Variants in ENTREP2 observed in about 807,000 individuals in gnomAD.
The protein encoded by ENTREP2 is protein ENTREP2.
At chr15:29,518,230 A>C in the ENTREP2 span, among the ~76,000 whole-genome samples, 6 of 151,398 alleles carry the variant, frequency 4.0e-5, no homozygotes, top group East Asian at 5.8e-4. Flanking sequence ...CAAAACAAAA[A>C]AACTACTCTC....
At chr15:29,455,997 T>C in the ENTREP2 span, among the ~76,000 whole-genome samples, 2 of 152,240 alleles carry the variant, frequency 1.3e-5, no homozygotes, top group Non-Finnish European at 1.5e-5. Flanking sequence ...TTCTACATTA[T>C]GGTGAGTTGC....
the ENTREP2 span, among the ~76,000 whole-genome samples, chr15:29,486,910 G>A: frequency 4.7e-4 from 71 of 152,250 alleles, no homozygotes; most frequent in African/African-American, 1.7e-3. Flanking sequence ...GGAGGATGAT[G>A]AGAGGTTGGT....
the ENTREP2 span, among the ~76,000 whole-genome samples, chr15:29,314,213 C>T: frequency 6.6e-6 from 1 of 152,198 alleles, no homozygotes; most frequent in African/African-American, 2.4e-5. Flanking sequence ...ATGATATAAA[C>T]TTAGTTCATA....
At chr15:29,397,753 C>T in the ENTREP2 span, among the ~76,000 whole-genome samples, 2 of 152,140 alleles carry the variant, frequency 1.3e-5, no homozygotes, top group Admixed American at 1.3e-4. Context: ...TCTTCAAAAA[C>T]TTCTACGTAT....
At chr15:29,604,405 A>G in the ENTREP2 span, among the ~76,000 whole-genome samples, 159 of 152,306 alleles carry the variant, frequency 1.0e-3, no homozygotes, top group African/African-American at 3.7e-3. Flanking sequence ...AAATGAGCAG[A>G]AAAAAAGAAT....
the ENTREP2 span, among the ~76,000 whole-genome samples, chr15:29,624,027 C>A: frequency 6.6e-6 from 1 of 152,176 alleles, no homozygotes; most frequent in Non-Finnish European, 1.5e-5. Context: ...CGTGAGCCAC[C>A]GCACCAGGCT....
chr15:29,400,933 G>A, the ENTREP2 span, among the ~76,000 whole-genome samples: 1 of 152,222 alleles, frequency 6.6e-6, no homozygotes, highest in Non-Finnish European at 1.5e-5. Context: ...GTGGTGAGTG[G>A]AAGTGGCACA....
At chr15:29,496,722 A>G in the ENTREP2 span, among the ~76,000 whole-genome samples, 1 of 152,202 alleles carries the variant, frequency 6.6e-6, no homozygotes, top group Non-Finnish European at 1.5e-5. Context: ...TACCACACTT[A>G]TTGATTATAT....
chr15:29,619,621 A>AAGTG, the ENTREP2 span, among the ~76,000 whole-genome samples: 1 of 152,052 alleles, frequency 6.6e-6, no homozygotes, highest in Non-Finnish European at 1.5e-5. Context: ...GTGAAAGACA[A>AAGTG]AGTGTCACCT....
At chr15:29,126,393 C>G in the ENTREP2 span, 83 of 1,547,088 alleles carry the variant, frequency 5.4e-5, 1 homozygote, top group South Asian at 9.7e-4. Context: ...AGGGCAGGTT[C>G]GGAGGGTGCT....
At chr15:29,613,690 G>A in the ENTREP2 span, 1 of 169,234 alleles carries the variant, frequency 5.9e-6, no homozygotes, top group Non-Finnish European at 1.3e-5. Context: ...AAAACTATGA[G>A]GACCTGACCC....
the ENTREP2 span, among the ~76,000 whole-genome samples, chr15:29,403,475 T>C: frequency 6.6e-6 from 1 of 152,180 alleles, no homozygotes; most frequent in Non-Finnish European, 1.5e-5. Context: ...ATTAATTCCA[T>C]TAAAATTGCA....
the ENTREP2 span, among the ~76,000 whole-genome samples, chr15:29,547,109 A>T: frequency 1.4e-5 from 2 of 145,252 alleles, no homozygotes; most frequent in Non-Finnish European, 3.0e-5. Flanking sequence ...TTTTTTTGAG[A>T]TGGAGTCTCG....
the ENTREP2 span, among the ~76,000 whole-genome samples, chr15:29,394,632 G>A: frequency 6.6e-6 from 1 of 152,066 alleles, no homozygotes; most frequent in Non-Finnish European, 1.5e-5. Flanking sequence ...GTAGCATTAA[G>A]TCCATTCACC....
chr15:29,611,832 T>C, the ENTREP2 span, among the ~76,000 whole-genome samples: 3 of 152,220 alleles, frequency 2.0e-5, no homozygotes, highest in Admixed American at 2.0e-4. Context: ...GGAAGCTTCT[T>C]TGAGCAACTA....
chr15:29,125,303 G>A, the ENTREP2 span, among the ~76,000 whole-genome samples: 1 of 152,192 alleles, frequency 6.6e-6, no homozygotes, highest in Non-Finnish European at 1.5e-5. Flanking sequence ...AGCAGAGGGG[G>A]GTGTTTCAGA....
the ENTREP2 span, among the ~76,000 whole-genome samples, chr15:29,666,785 A>T: frequency 6.6e-6 from 1 of 152,210 alleles, no homozygotes; most frequent in Non-Finnish European, 1.5e-5. Flanking sequence ...CTGTAACCAT[A>T]GACTGGAGGG....
chr15:29,655,396 C>G, the ENTREP2 span, among the ~76,000 whole-genome samples: 2 of 152,234 alleles, frequency 1.3e-5, no homozygotes, highest in Non-Finnish European at 2.9e-5. Flanking sequence ...GCTCCCCACA[C>G]TAGCAGAAGA....
At chr15:29,538,392 T>C in the ENTREP2 span, among the ~76,000 whole-genome samples, 4 of 152,072 alleles carry the variant, frequency 2.6e-5, no homozygotes, top group Non-Finnish European at 2.9e-5. Flanking sequence ...TGACTGATCA[T>C]AATGGCTGAA....
Sources: gnomAD v4.1 joint callset for allele counts (sites outside exome capture counted in the v4.1 genomes callset) on GRCh38, gnomAD v4.1.1 for gene constraint, MANE v1.5 for transcripts, NCBI Gene and HGNC (gene_info 2026-07-23, HGNC 2026-07-21) for gene names.